SYT14: variants seen among roughly 807,000 people sequenced by gnomAD.
SYT14 encodes the protein synaptotagmin-14.
Under a neutral mutation model 74.2 loss-of-function variants are expected in SYT14, and 32 were observed. The ratio of observed to expected loss-of-function variants is 0.43; its 90% CI spans 0.33 to 0.58. The LOEUF (loss-of-function observed/expected upper bound fraction) is 0.58, where lower values mean the gene tolerates loss of function less well. Ranked by LOEUF, SYT14 falls within the 20% of genes least tolerant of loss-of-function variation. The pLI, the probability that SYT14 is intolerant of heterozygous loss-of-function variation, is 0.05. For missense variants in SYT14, 791 were observed against 981.8 expected (o/e 0.81, Z 2.60); for synonymous variants, 298 against 337.7 (o/e 0.88, Z 1.29).
chr1:210,163,392 C>G (rs907130408), exon 10 of SYT14: 1 of 453,564 alleles, frequency 2.2e-6, no homozygotes, highest in Non-Finnish European at 4.4e-6. Context: ...TGGAAAGACC[C>G]TACCTCCACC....
chr1:210,034,896 T>G (rs2080624916), intron 5 of SYT14, among the ~76,000 whole-genome samples: 1 of 151,918 alleles, frequency 6.6e-6, no homozygotes, highest in Non-Finnish European at 1.5e-5. Context: ...TTAGGTTGAT[T>G]CCATATTTTG....
At chr1:210,143,507 T>C (rs1281696172) in intron 7 of SYT14, among the ~76,000 whole-genome samples, 1 of 152,180 alleles carries the variant, frequency 6.6e-6, no homozygotes, top group Admixed American at 6.5e-5. Context: ...TATTTTAATA[T>C]CTTGAAAAAT....
exon 10 of SYT14, chr1:210,164,137 T>G (rs1261318986): frequency 2.3e-6 from 1 of 434,810 alleles, no homozygotes; most frequent in East Asian, 7.1e-5. Flanking sequence ...TAATATTGCC[T>G]TATCTTTCAG....
chr1:210,031,092 T>TC (rs1483969707), intron 5 of SYT14, among the ~76,000 whole-genome samples: 1 of 148,690 alleles, frequency 6.7e-6, no homozygotes, highest in Non-Finnish European at 1.5e-5. Context: ...TGCCTGTCTT[T>TC]TTTTTTTTTT....
intron 2 of SYT14, among the ~76,000 whole-genome samples, chr1:209,976,696 G>A (rs2079372249): frequency 6.6e-6 from 1 of 152,322 alleles, no homozygotes; most frequent in Non-Finnish European, 1.5e-5. Context: ...TTGGGGTGGA[G>A]AGTTCTGTAG....
At chr1:210,066,382 G>A (rs1250683441) in intron 5 of SYT14, among the ~76,000 whole-genome samples, 1 of 152,118 alleles carries the variant, frequency 6.6e-6, no homozygotes, top group Admixed American at 6.5e-5. Flanking sequence ...ACCTTCTCCA[G>A]CACCTGTTGT....
intron 2 of SYT14, among the ~76,000 whole-genome samples, chr1:210,001,917 TAGAG>T (rs2079907692): frequency 6.6e-6 from 1 of 152,122 alleles, no homozygotes; most frequent in South Asian, 2.1e-4. Flanking sequence ...AGAGTAGTCA[TAGAG>T]AGCCAGATCA....
At chr1:210,042,897 A>G (rs984203116) in intron 5 of SYT14, among the ~76,000 whole-genome samples, 14 of 152,192 alleles carry the variant, frequency 9.2e-5, no homozygotes, top group African/African-American at 2.9e-4. Context: ...AAGAAAGTCA[A>G]TGATAGCGTG....
chr1:210,065,193 G>C (rs2081274283), intron 5 of SYT14, among the ~76,000 whole-genome samples: 1 of 152,026 alleles, frequency 6.6e-6, no homozygotes, highest in Non-Finnish European at 1.5e-5. Context: ...ATGCACAAAA[G>C]TGCTTGCTAT....
At chr1:210,087,075 A>G (rs544574730) in intron 5 of SYT14, among the ~76,000 whole-genome samples, 1 of 152,152 alleles carries the variant, frequency 6.6e-6, no homozygotes, top group South Asian at 2.1e-4. Flanking sequence ...ATGGGCTCTG[A>G]TATCCGAGGT....
chr1:210,150,149 CAG>C (rs1223248090), intron 7 of SYT14, among the ~76,000 whole-genome samples: 1 of 152,134 alleles, frequency 6.6e-6, no homozygotes, highest in Non-Finnish European at 1.5e-5. Context: ...CCATGACACT[CAG>C]AGCTGCCGGC....
chr1:210,118,474 T>C (rs2082400119), intron 7 of SYT14, among the ~76,000 whole-genome samples: 1 of 152,094 alleles, frequency 6.6e-6, no homozygotes, highest in Admixed American at 6.6e-5. Flanking sequence ...TTGATTGTTT[T>C]TTGTTTTGTT....
At chr1:209,982,673 T>G (rs2079507100) in intron 2 of SYT14, among the ~76,000 whole-genome samples, 1 of 152,270 alleles carries the variant, frequency 6.6e-6, no homozygotes, top group African/African-American at 2.4e-5. Flanking sequence ...TACACATTTT[T>G]GTGTGGATGT....
At chr1:210,096,488 TGTAA>T (rs778566220) in intron 6 of SYT14, among the ~76,000 whole-genome samples, 1 of 152,210 alleles carries the variant, frequency 6.6e-6, no homozygotes, top group Non-Finnish European at 1.5e-5. Context: ...GGGGATAAGC[TGTAA>T]GTGAGTATCG....
At chr1:210,102,738 G>A (rs1341505223) in intron 7 of SYT14, among the ~76,000 whole-genome samples, 1 of 152,118 alleles carries the variant, frequency 6.6e-6, no homozygotes, top group Admixed American at 6.6e-5. Flanking sequence ...CTGGGGTGTA[G>A]TAGTGCAATC....
chr1:210,052,683 A>AAAAAAAAAAAAAAAAAC (rs2081023608), intron 5 of SYT14, among the ~76,000 whole-genome samples: 2 of 149,964 alleles, frequency 1.3e-5, no homozygotes, highest in Non-Finnish European at 3.0e-5. Context: ...AAAAAAAAAA[A>AAAAAAAAAAAAAAAAAC]AGCTCTCCAA....
chr1:210,100,116 A>G (rs1333642438), exon 7 of SYT14: 1 of 1,614,118 alleles, frequency 6.2e-7, no homozygotes, highest in African/African-American at 1.3e-5. Context: ...ATGACTCACA[A>G]GAACAGAAGC....
intron 2 of SYT14, among the ~76,000 whole-genome samples, chr1:209,993,919 T>C (rs921996471): frequency 3.3e-5 from 5 of 152,218 alleles, no homozygotes; most frequent in Admixed American, 2.0e-4. Context: ...TCTGCTGATA[T>C]ATACACCTGT....
At chr1:210,051,300 G>GTTA (rs1558154715) in intron 5 of SYT14, among the ~76,000 whole-genome samples, 2 of 152,122 alleles carry the variant, frequency 1.3e-5, no homozygotes, top group Non-Finnish European at 2.9e-5. Context: ...TATCCAATAA[G>GTTA]GTTGTACAGT....
Sources: allele counts gnomAD v4.1 joint callset (sites outside exome capture counted in the v4.1 genomes callset), GRCh38; gene constraint gnomAD v4.1.1; transcripts MANE v1.5; gene names NCBI Gene and HGNC (gene_info 2026-07-23, HGNC 2026-07-21).